Variants in TIAM1 observed in about 807,000 individuals in gnomAD.
TIAM1 encodes the protein TIAM Rac1 associated GEF 1, also known as rho guanine nucleotide exchange factor TIAM1.
A neutral mutation model predicts 163.5 loss-of-function variants in TIAM1; 65 were observed. The observed-to-expected ratio is 0.40, with a 90% CI of 0.33 to 0.49. The LOEUF (loss-of-function observed/expected upper bound fraction) is 0.49, where lower values mean the gene tolerates loss of function less well. TIAM1 is among the 20% of genes least tolerant of loss of function. The pLI, the probability that TIAM1 is intolerant of heterozygous loss-of-function variation, is 0.77. For synonymous variants in TIAM1, 833 were observed against 810.1 expected, an observed-to-expected ratio of 1.03 and a Z score of -0.48; for missense variants, 1,789 against 2,044.7, an observed-to-expected ratio of 0.87 and a Z score of 2.41.
chr21:31,170,677 T>C (rs1468393577), intron 15 of TIAM1, among the ~76,000 whole-genome samples: 2 of 152,126 alleles, frequency 1.3e-5, no homozygotes, highest in South Asian at 2.1e-4. Context: ...CCTCAACCTA[T>C]GATGGGGTTA....
At chr21:31,408,993 G>GC (rs10709785) in intron 2 of TIAM1, among the ~76,000 whole-genome samples, 91 of 151,444 alleles carry the variant, frequency 6.0e-4, no homozygotes, top group South Asian at 2.3e-3. Flanking sequence ...TCACCCACAT[G>GC]CCCCCCCCTC....
intron 1 of TIAM1, among the ~76,000 whole-genome samples, chr21:31,340,411 A>G (rs2075977978): frequency 6.6e-6 from 1 of 152,100 alleles, no homozygotes. Context: ...TCAAACAATC[A>G]ACACTTCCCC....
At chr21:31,246,665 C>A (rs950763706) in intron 5 of TIAM1, among the ~76,000 whole-genome samples, 2 of 152,098 alleles carry the variant, frequency 1.3e-5, no homozygotes, top group Non-Finnish European at 2.9e-5. Flanking sequence ...TGCTTATATG[C>A]GATTAGTAGT....
chr21:31,394,519 G>A (rs1185342094), intron 2 of TIAM1, among the ~76,000 whole-genome samples: 1 of 152,148 alleles, frequency 6.6e-6, no homozygotes, highest in East Asian at 1.9e-4. Context: ...GGTGATGACA[G>A]TTGAATGTTG....
intron 1 of TIAM1, among the ~76,000 whole-genome samples, chr21:31,497,964 A>C (rs565767777): frequency 6.6e-6 from 1 of 152,358 alleles, no homozygotes; most frequent in South Asian, 2.1e-4. Flanking sequence ...AATTCCCCAT[A>C]GCCCTGTTCC....
intron 2 of TIAM1, among the ~76,000 whole-genome samples, chr21:31,384,401 C>CA (rs5843516): frequency 0.22 from 24,047 of 107,778 alleles, 2,964 homozygotes; most frequent in African/African-American, 0.33. Context: ...CCCATCTCTA[C>CA]AAAAAAAAAA....
intron 4 of TIAM1, among the ~76,000 whole-genome samples, chr21:31,264,981 A>G (rs2072672405): frequency 2.0e-5 from 3 of 152,182 alleles, no homozygotes; most frequent in African/African-American, 7.2e-5. Context: ...AAAAGGCCCA[A>G]TGCATGCAGG....
chr21:31,145,785 G>C (rs8129409), intron 20 of TIAM1, among the ~76,000 whole-genome samples: 1 of 149,260 alleles, frequency 6.7e-6, no homozygotes, highest in Non-Finnish European at 1.5e-5. Flanking sequence ...AAAGGTATAC[G>C]GTAAGTCCTC....
chr21:31,219,731 T>TA (rs1433125715), intron 8 of TIAM1, among the ~76,000 whole-genome samples: 5 of 146,686 alleles, frequency 3.4e-5, no homozygotes, highest in East Asian at 1.9e-4. Flanking sequence ...CTTAGCACGT[T>TA]AAAAAAACAA....
chr21:31,278,395 T>C (rs2073398325), intron 2 of TIAM1, among the ~76,000 whole-genome samples: 1 of 152,226 alleles, frequency 6.6e-6, no homozygotes, highest in Non-Finnish European at 1.5e-5. Flanking sequence ...TTTTAAAGCC[T>C]GCTGGTAGAG....
At position 31,122,638 on chromosome 21, in the gene TIAM1, GA is replaced by G. The variant is rs553374678; in HGVS notation, c.4307-1802del. ...TTCATAAGAAAATAGATAGAACAAA[GA>G]AAAAAATTTTTAATTGGGTTATTGG... On this transcript the variant is annotated intron_variant, in intron 27 of 27. Coordinates refer to ENST00000541036, the MANE Select transcript of TIAM1 (RefSeq NM_001353694.2). Among the ~76,000 whole-genome samples, 365 of 152,190 alleles carry G rather than the reference GA, an allele frequency of 2.4e-3. 2 individuals carry two copies. Among genetic ancestry groups the G allele is most frequent in the African/African-American group, 8.3e-3 (344 of 41,538 alleles).
At position 31,198,115 on chromosome 21, in the gene TIAM1, G is replaced by A. The variant is rs192308166; in HGVS notation, c.2494-2810C>T. On this transcript the variant is annotated intron_variant, in intron 12 of 27. Coordinates refer to ENST00000541036, the MANE Select transcript of TIAM1 (RefSeq NM_001353694.2). ...TGAGCCAAGGTCAATAACAAAAAACGTGGCCGTTAGCACTAAAGAGAAGTC... is the reference window on the plus strand; with the variant it reads ...TGAGCCAAGGTCAATAACAAAAAACATGGCCGTTAGCACTAAAGAGAAGTC... Among the ~76,000 whole-genome samples the A allele has an allele frequency of 1.1e-3, 169 of 152,252 alleles. 1 individual carries two copies. Among genetic ancestry groups the A allele is most frequent in the African/African-American group, 3.6e-3 (149 of 41,536 alleles).
intron 20 of TIAM1, among the ~76,000 whole-genome samples, chr21:31,145,234 C>T (rs1200791695): frequency 6.6e-6 from 1 of 152,186 alleles, no homozygotes; most frequent in Non-Finnish European, 1.5e-5. Context: ...ACCACCACTA[C>T]CGTTAAGACT....
At chr21:31,494,352 C>T (rs2046571205) in intron 1 of TIAM1, among the ~76,000 whole-genome samples, 1 of 152,180 alleles carries the variant, frequency 6.6e-6, no homozygotes, top group Non-Finnish European at 1.5e-5. Flanking sequence ...GCACCAAGAT[C>T]AAGACAAACC....
At chr21:31,318,123 G>T (rs916417336) in intron 2 of TIAM1, among the ~76,000 whole-genome samples, 1 of 152,048 alleles carries the variant, frequency 6.6e-6, no homozygotes, top group African/African-American at 2.4e-5. Flanking sequence ...TTTTTGAGAC[G>T]GTCTCAGTCT....
chr21:31,128,168 T>C (rs1258962517), intron 25 of TIAM1, among the ~76,000 whole-genome samples: 1 of 152,204 alleles, frequency 6.6e-6, no homozygotes, highest in African/African-American at 2.4e-5. Flanking sequence ...ACCCTCACTG[T>C]GGTTGCATGA....
At chr21:31,496,459 CA>C (rs58140674) in intron 1 of TIAM1, among the ~76,000 whole-genome samples, 3,755 of 87,814 alleles carry the variant, frequency 0.043, 108 homozygotes, top group African/African-American at 0.15. Context: ...AACTCTGTCT[CA>C]AAAAAAAAAA....
intron 1 of TIAM1, among the ~76,000 whole-genome samples, chr21:31,527,068 C>T (rs999661603): frequency 3.3e-5 from 5 of 152,142 alleles, no homozygotes; most frequent in African/African-American, 9.7e-5. Context: ...ATCCGGGCCA[C>T]ACACTGTGGA....
At chr21:31,127,399 C>A (rs930075976) in intron 25 of TIAM1, among the ~76,000 whole-genome samples, 1 of 150,448 alleles carries the variant, frequency 6.6e-6, no homozygotes, top group Non-Finnish European at 1.5e-5. Flanking sequence ...AAAGGTCAAT[C>A]ATATGGACCG....
Sources: gnomAD v4.1 joint callset for allele counts (sites outside exome capture counted in the v4.1 genomes callset) on GRCh38, gnomAD v4.1.1 for gene constraint, MANE v1.5 for transcripts, NCBI Gene and HGNC (gene_info 2026-07-23, HGNC 2026-07-21) for gene names.